Variants in THRAP3 observed in about 807,000 individuals in gnomAD.
The protein encoded by THRAP3 is thyroid hormone receptor-associated protein 3.
Under a neutral mutation model 101.0 loss-of-function variants are expected in THRAP3, and 16 were observed. That is an observed-to-expected ratio of 0.16 (90% CI 0.11 to 0.24). The LOEUF is 0.24. Among genes scored for constraint, THRAP3 ranks in the 10% least tolerant of loss-of-function variants. The pLI is 1.00. For missense variants in THRAP3, 989 were observed against 1,202.7 expected, an observed-to-expected ratio of 0.82 and a Z score of 2.63; for synonymous variants, 407 against 422.6, an observed-to-expected ratio of 0.96 and a Z score of 0.45.
intron 1 of THRAP3, among the ~76,000 whole-genome samples, chr1:36,258,588 A>T (rs972709825): frequency 2.0e-5 from 3 of 151,830 alleles, no homozygotes; most frequent in Admixed American, 1.3e-4. Context: ...CCACTCTCCC[A>T]CCTCAGCCTC....
chr1:36,259,763 CAAA>C (rs11399884), intron 2 of THRAP3, among the ~76,000 whole-genome samples: 5 of 134,084 alleles, frequency 3.7e-5, no homozygotes, highest in Admixed American at 7.5e-5. Flanking sequence ...GACCCTGTCT[CAAA>C]AAAAAAAAAA....
At chr1:36,227,385 C>T (rs1178685875) in intron 1 of THRAP3, among the ~76,000 whole-genome samples, 3 of 151,752 alleles carry the variant, frequency 2.0e-5, no homozygotes, top group South Asian at 2.1e-4. Flanking sequence ...CCAGTTCAAG[C>T]GATTCTCCTG....
chr1:36,224,441 G>C (rs1644934572), upstream of THRAP3: 1 of 153,382 alleles, frequency 6.5e-6, no homozygotes. Flanking sequence ...GCTGTGGGGC[G>C]GGGGCGAGGT....
At chr1:36,231,854 A>G (rs1196083375) in intron 1 of THRAP3, among the ~76,000 whole-genome samples, 1 of 152,206 alleles carries the variant, frequency 6.6e-6, no homozygotes, top group African/African-American at 2.4e-5. Context: ...GCTATCAGAA[A>G]AAAACTTTTA....
chr1:36,296,853 A>G (rs1645958967), intron 9 of THRAP3, 83 bp downstream of exon 9: 2 of 1,166,260 alleles, frequency 1.7e-6, no homozygotes, highest in Non-Finnish European at 2.3e-6. Context: ...CTTTCAAATC[A>G]GAGGAGTTTA....
chr1:36,245,792 A>G (rs1358757862), intron 1 of THRAP3, among the ~76,000 whole-genome samples: 5 of 152,138 alleles, frequency 3.3e-5, no homozygotes, highest in African/African-American at 1.2e-4. Context: ...TAGCCCTTGA[A>G]CAGTTATATT....
chr1:36,281,964 TTG>T (rs1432025144), intron 2 of THRAP3, among the ~76,000 whole-genome samples: 5 of 152,108 alleles, frequency 3.3e-5, no homozygotes, highest in African/African-American at 1.2e-4. Context: ...TCCCAGCTAC[TTG>T]GGAGGCTGAG....
intron 6 of THRAP3, among the ~76,000 whole-genome samples, chr1:36,292,250 G>GTTTT (rs1645880238): frequency 1.5e-5 from 1 of 68,740 alleles, no homozygotes; most frequent in African/African-American, 4.5e-5. Context: ...GTAACATAAT[G>GTTTT]TGTTTCTTTG....
chr1:36,279,193 C>T (rs1469040224), intron 2 of THRAP3, among the ~76,000 whole-genome samples: 1 of 152,024 alleles, frequency 6.6e-6, no homozygotes, highest in Admixed American at 6.6e-5. Flanking sequence ...ATGAGTGTTT[C>T]CTTTTCCACT....
chr1:36,224,184 G>T (rs1023699010), upstream of THRAP3, among the ~76,000 whole-genome samples: 92 of 152,208 alleles, frequency 6.0e-4, no homozygotes, highest in African/African-American at 2.1e-3. Context: ...CGCCCCTTCC[G>T]TCCACCGCCC....
upstream of THRAP3, among the ~76,000 whole-genome samples, chr1:36,219,695 G>T (rs543134656): frequency 1.7e-4 from 26 of 152,160 alleles, no homozygotes; most frequent in African/African-American, 6.3e-4. Context: ...CTCCCAAAGT[G>T]CTGGGATTAC....
chr1:36,235,010 C>T (rs1645069274), intron 1 of THRAP3, among the ~76,000 whole-genome samples: 2 of 152,002 alleles, frequency 1.3e-5, no homozygotes, highest in African/African-American at 4.8e-5. Flanking sequence ...TTCGGGGTTT[C>T]GCCATGTTGG....
chr1:36,241,428 T>TATATACAC (rs1287287207), intron 1 of THRAP3, among the ~76,000 whole-genome samples: 1 of 137,858 alleles, frequency 7.3e-6, no homozygotes, highest in African/African-American at 2.9e-5. Flanking sequence ...TATATATATA[T>TATATACAC]ACACATATAT....
rs1260495575 is a variant in THRAP3, at chr1:36,282,648, A to C, written c.85A>C (p.Lys29Gln). Residue 29 changes from lysine (K) to glutamine (Q), a missense_variant, in exon 3 of 12, where the codon AAG becomes CAG. Lys to Gln is a moderately conservative substitution (Grantham distance 53, BLOSUM62 1). Coordinates refer to ENST00000354618, the MANE Select transcript of THRAP3 (RefSeq NM_005119.4). ...ASRSRSRSFSKSRSRSRSLSR... is the reference protein window; with the variant it reads ...ASRSRSRSFSQSRSRSRSLSR... Reference sequence around the variant, plus strand: ...AAGATCTCGTTCTCGTTCATTTTCGAAGTCTCGGTCCCGAAGCCGATCTCT... The same window carrying C: ...AAGATCTCGTTCTCGTTCATTTTCGCAGTCTCGGTCCCGAAGCCGATCTCT... 1 of 1,614,082 alleles carries C rather than the reference A, an allele frequency of 6.2e-7. No individual in the cohort carries two copies. The highest frequency in any genetic ancestry group is 8.5e-7 in the Non-Finnish European group (1 of 1,180,010).
chr1:36,303,278 C>T (rs1646053330), intron 11 of THRAP3, among the ~76,000 whole-genome samples: 1 of 152,080 alleles, frequency 6.6e-6, no homozygotes, highest in South Asian at 2.1e-4. Flanking sequence ...TGCCTCCTTT[C>T]TTAGCTGCCT....
chr1:36,265,983 G>A lies in THRAP3; in HGVS notation c.-32+6499G>A, dbSNP rs184493212. On this transcript the variant is annotated intron_variant, in intron 2 of 11. Coordinates refer to ENST00000354618, the MANE Select transcript of THRAP3 (RefSeq NM_005119.4). The stretch of plus-strand genomic sequence containing the variant: ...AGCTTGGCCAGCATGGTGAGACCCC[G>A]TCTGTATTGAAAATACAAAGATTAG... 4.4e-4 allele frequency among the ~76,000 whole-genome samples: 67 copies of A among 151,934 alleles called. No individual in the cohort carries two copies. The East Asian group carries it at 0.012, about 26-fold the overall frequency.
At position 36,292,624 on chromosome 1, in the gene THRAP3, A is replaced by G; in HGVS notation, c.1945A>G (p.Thr649Ala). The G allele has an allele frequency of 3.1e-6, 5 of 1,613,528 alleles. No individual in the cohort carries two copies. Among genetic ancestry groups the G allele is most frequent in the Non-Finnish European group, 8.5e-7 (1 of 1,179,776 alleles). The change falls in exon 7 of 12, where the codon ACA becomes GCA. Residue 649 changes from threonine to alanine, a missense_variant. Transcript: ENST00000354618. Reference sequence around the variant, plus strand: ...GCATCACTTTGGGTCCTCAGGAATGACATTACATGAACGCTTTACTAAATA... The same window carrying G: ...GCATCACTTTGGGTCCTCAGGAATGGCATTACATGAACGCTTTACTAAATA... ...KEHHFGSSGM[T>A]LHERFTKYLK...
chr1:36,265,110 G>A (rs1348563641), intron 2 of THRAP3, among the ~76,000 whole-genome samples: 4 of 152,166 alleles, frequency 2.6e-5, no homozygotes, highest in Non-Finnish European at 5.9e-5. Flanking sequence ...TATATGATTT[G>A]GATGGGTAGA....
intron 4 of THRAP3, chr1:36,288,205 T>C: frequency 1.1e-6 from 1 of 877,034 alleles, no homozygotes; most frequent in Non-Finnish European, 1.4e-6. Context: ...GGTGTTTGGT[T>C]ACATGGATAA....
Sources: allele counts gnomAD v4.1 joint callset (sites outside exome capture counted in the v4.1 genomes callset), GRCh38; gene constraint gnomAD v4.1.1; transcripts MANE v1.5; gene names NCBI Gene and HGNC (gene_info 2026-07-23, HGNC 2026-07-21).